The following CSPG5 variants were observed in gnomAD, a reference collection of about 807,000 sequenced individuals.
The protein encoded by CSPG5 is acidic leucine-rich EGF-like domain-containing brain protein.
In CSPG5, 25 loss-of-function variants were observed where a neutral mutation model predicts 39.8. That is an observed-to-expected ratio of 0.63 (90% CI 0.46 to 0.88). The LOEUF (loss-of-function observed/expected upper bound fraction) is 0.88, where lower values mean the gene tolerates loss of function less well. Ranked by LOEUF, CSPG5 falls within the 40% of genes least tolerant of loss-of-function variation. The pLI, the probability that CSPG5 is intolerant of heterozygous loss-of-function variation, is 0.00. For synonymous variants in CSPG5, 295 were observed against 303.9 expected, an observed-to-expected ratio of 0.97 and a Z score of 0.31; for missense variants, 627 against 702.2, an observed-to-expected ratio of 0.89 and a Z score of 1.21.
intron 3 of CSPG5, among the ~76,000 whole-genome samples, chr3:47,570,158 G>A (rs907801452): frequency 1.3e-5 from 2 of 151,872 alleles, no homozygotes; most frequent in East Asian, 1.9e-4. Context: ...GTATATGTGT[G>A]TCATGGTAGT....
At position 47,575,791 on chromosome 3, in the gene CSPG5, G is replaced by T. The variant is rs533070693; in HGVS notation, c.1193+1042C>A. Among the ~76,000 whole-genome samples the T allele has an allele frequency of 7.2e-5, 11 of 152,168 alleles. 1 individual carries two copies. The highest frequency in any genetic ancestry group is 2.4e-4 in the African/African-American group (10 of 41,514). On this transcript the variant is annotated intron_variant, in intron 2 of 4. Coordinates refer to ENST00000264723, the MANE Select transcript of CSPG5 (RefSeq NM_006574.4). ...TCCCGCCGAGCACAAGGCATGGAGC[G>T]GTGTTCAACAGCTGTCTTTATCCCA...
chr3:47,564,730 T>C (rs898836563), intron 4 of CSPG5, among the ~76,000 whole-genome samples: 2 of 152,182 alleles, frequency 1.3e-5, no homozygotes, highest in African/African-American at 4.8e-5. Flanking sequence ...AGAACATGTA[T>C]AGCAAACTCT....
rs774238317 is a variant in CSPG5 at position 47,577,551 on chromosome 3, C to G, written c.475G>C (p.Asp159His). Residue 159 changes from aspartate to histidine, a missense_variant, in exon 2 of 5, where the codon GAC (aspartate) becomes CAC (histidine). Coordinates refer to ENST00000264723, the MANE Select transcript of CSPG5 (RefSeq NM_006574.4). This position sits in a 1 kb window ranked among gnomAD's most constrained non-coding sequence, Gnocchi z 4.7. ...ASGPPSPTPGDKLSPASELPK... is the reference protein window; with the variant it reads ...ASGPPSPTPGHKLSPASELPK... ...AGTTCAGAAGCTGGGCTCAGCTTGT[C>G]GCCGGGGGTGGGGGAGGGTGGCCCG... is the stretch of plus-strand genomic sequence containing the variant. The G allele has an allele frequency of 6.2e-7, 1 of 1,609,080 alleles. No individual in the cohort carries two copies. Among genetic ancestry groups the G allele is most frequent in the South Asian group, 1.1e-5 (1 of 90,748 alleles).
chr3:47,573,079 G>C (rs1470931307), intron 2 of CSPG5, among the ~76,000 whole-genome samples: 2 of 152,240 alleles, frequency 1.3e-5, no homozygotes, highest in African/African-American at 4.8e-5. Flanking sequence ...GGGCCAGGGA[G>C]CTCTGAGGTC....
intron 4 of CSPG5, among the ~76,000 whole-genome samples, chr3:47,564,322 C>T (rs960320101): frequency 2.0e-5 from 3 of 152,116 alleles, no homozygotes; most frequent in Admixed American, 1.3e-4. Flanking sequence ...GGGAGAGACC[C>T]CGGGCTTTCC....
At chr3:47,562,939 T>C (rs1250421330) in intron 4 of CSPG5, among the ~76,000 whole-genome samples, 178 bp from the exon 5 acceptor site, 1 of 152,198 alleles carries the variant, frequency 6.6e-6, no homozygotes, top group Non-Finnish European at 1.5e-5. Flanking sequence ...AGGAAAGTCA[T>C]CCTTACAAGA....
chr3:47,569,285 G>A (rs2031436406), intron 3 of CSPG5, 58 bp from the exon 4 acceptor site: 15 of 1,544,096 alleles, frequency 9.7e-6, no homozygotes, highest in South Asian at 8.0e-5. Flanking sequence ...GGCAAAACAT[G>A]ACAATGTCTC....
At position 47,578,372 on chromosome 3, in the gene CSPG5, C is replaced by A. The variant is rs1361526145; in HGVS notation, c.97+225G>T. Among the ~76,000 whole-genome samples, 2 of 149,872 alleles carry A rather than the reference C, an allele frequency of 1.3e-5. No homozygotes were observed. The highest frequency in any genetic ancestry group is 1.5e-5 in the Non-Finnish European group (1 of 67,142). ...CCCGCCCCCAGTCCGCACCGCGGCC[C>A]GCGCGCTTGGGTCCCGGCTACCCCA... On this transcript the variant is annotated intron_variant, in intron 1 of 4. Transcript: ENST00000264723. This position sits in a 1 kb window ranked among gnomAD's most constrained non-coding sequence, Gnocchi z 6.0.
chr3:47,578,539 A>G lies in CSPG5; in HGVS notation c.97+58T>C. 1.8e-6 allele frequency: 1 copy of G among 546,210 alleles called. No individual in the cohort carries two copies. The highest frequency in any genetic ancestry group is 2.5e-6 in the Non-Finnish European group (1 of 392,840). 33.8% of individuals were successfully genotyped at this position (546,210 alleles called of 1,614,324 possible). The stretch of plus-strand genomic sequence containing the variant: ...TCCACCTGTCCCCGCCGCCAGCGGG[A>G]CCCCTGCCCTGGGTGGGGCACGAGG... On this transcript the variant is annotated intron_variant, in intron 1 of 4. Coordinates refer to ENST00000264723, the MANE Select transcript of CSPG5 (RefSeq NM_006574.4). The surrounding 1 kb of genome is among the most constrained non-coding windows in gnomAD (Gnocchi z 6.0).
At chr3:47,568,359 C>A (rs1460212869) in intron 4 of CSPG5, among the ~76,000 whole-genome samples, 1 of 152,182 alleles carries the variant, frequency 6.6e-6, no homozygotes, top group Non-Finnish European at 1.5e-5. Context: ...CCAGGCAATA[C>A]ACTAGGCCAG....
intron 4 of CSPG5, 25 bp from the exon 5 acceptor site, chr3:47,562,786 G>A (rs548312605): frequency 1.9e-5 from 30 of 1,577,596 alleles, no homozygotes; most frequent in South Asian, 9.0e-5. Flanking sequence ...AAGTTGGGGG[G>A]GGGGAGACAA....
At chr3:47,569,315 G>C in intron 3 of CSPG5, 88 bp from the exon 4 acceptor site, 1 of 1,413,392 alleles carries the variant, frequency 7.1e-7, no homozygotes, top group Non-Finnish European at 9.9e-7. Flanking sequence ...ATCAAATACT[G>C]TATTTCGGCT....
Position 47,575,929 on chromosome 3 carries a change from CTTTTTTTTTTTTT to C in CSPG5, c.1193+891_1193+903del, listed in dbSNP as rs370578310. Among the ~76,000 whole-genome samples the C allele has an allele frequency of 2.0e-5, 2 of 99,626 alleles. 1 individual carries two copies. Among genetic ancestry groups the C allele is most frequent in the Non-Finnish European group, 4.0e-5 (2 of 50,482 alleles). 65.4% of individuals were successfully genotyped at this position (99,626 alleles called of 152,430 possible). On this transcript the variant is annotated intron_variant, in intron 2 of 4. Coordinates refer to ENST00000264723, the MANE Select transcript of CSPG5 (RefSeq NM_006574.4). Reference sequence around the variant, plus strand: ...TCTTAAAGAATTCCCTTCATTTTGCCTTTTTTTTTTTTTTTTTTTTTTTTTGAGACAGAGTTTC... The same window carrying C: ...TCTTAAAGAATTCCCTTCATTTTGCCTTTTTTTTTTTTGAGACAGAGTTTC...
intron 2 of CSPG5, among the ~76,000 whole-genome samples, chr3:47,574,857 T>C (rs1046863410): frequency 6.6e-6 from 1 of 152,006 alleles, no homozygotes; most frequent in Non-Finnish European, 1.5e-5. Context: ...GAGAATGGCA[T>C]GAACCTGGGA....
Position 47,577,076 on chromosome 3 carries a change from G to A in CSPG5, c.950C>T (p.Thr317Ile). The A allele has an allele frequency of 2.5e-6, 4 of 1,613,732 alleles. No homozygotes were observed. The highest frequency in any genetic ancestry group is 2.5e-6 in the Non-Finnish European group (3 of 1,180,020). The change falls in exon 2 of 5, where the codon ACC becomes ATC. Residue 317 changes from threonine to isoleucine, a missense_variant. Coordinates refer to ENST00000264723, the MANE Select transcript of CSPG5 (RefSeq NM_006574.4). The surrounding 1 kb of genome is among the most constrained non-coding windows in gnomAD (Gnocchi z 4.7). ...PGLGPGTGQP[T>I]SRWHAVPPQH... ...TGGAGGGACAGCATGCCACCGACTGGTGGGCTGGCCTGTCCCGGGCCCCAG... is the reference window on the plus strand; with the variant it reads ...TGGAGGGACAGCATGCCACCGACTGATGGGCTGGCCTGTCCCGGGCCCCAG...
chr3:47,563,659 G>A (rs2031180389), intron 4 of CSPG5, among the ~76,000 whole-genome samples: 1 of 152,068 alleles, frequency 6.6e-6, no homozygotes, highest in Admixed American at 6.6e-5. Flanking sequence ...GGGTTCAAGG[G>A]ATTCTCGTGC....
At chr3:47,579,031 T>TGCGGGGCAGGCGGACGGGGAGC, upstream of CSPG5, 2 of 154,610 alleles carry the variant, frequency 1.3e-5, 1 homozygote, top group South Asian at 3.9e-4. This position sits in a 1 kb window ranked among gnomAD's most constrained non-coding sequence, Gnocchi z 4.2. Flanking sequence ...GGACGGGGAG[T>TGCGGGGCAGGCGGACGGGGAGC]GCGGGGCAGG....
Position 47,572,837 on chromosome 3 carries a change from G to T in CSPG5, c.1231C>A (p.Arg411Ser). 1 of 1,613,828 alleles carries T rather than the reference G, an allele frequency of 6.2e-7. No homozygotes were observed. Among genetic ancestry groups the T allele is most frequent in the East Asian group, 2.2e-5 (1 of 44,884 alleles). The change falls in exon 3 of 5, where the codon CGC becomes AGC. Residue 411 changes from arginine (R) to serine (S), a missense_variant. Arg to Ser is a moderately radical substitution (Grantham distance 110, BLOSUM62 -1). Transcript: ENST00000264723. The surrounding 1 kb of genome is among the most constrained non-coding windows in gnomAD (Gnocchi z 4.5). ...TQDYIWHKGM[R>S]CESIITDFQV... is the part of the protein sequence containing the mutation. ...AAGTCGGTGATGATGGACTCGCAGC[G>T]CATCCCCTTGTGCCAGATGTAGTCC...
At position 47,576,958 on chromosome 3, in the gene CSPG5, G is replaced by C; in HGVS notation, c.1068C>G (p.Gly356=). 1 of 1,613,798 alleles carries C rather than the reference G, an allele frequency of 6.2e-7. No individual in the cohort carries two copies. Among genetic ancestry groups the C allele is most frequent in the Non-Finnish European group, 8.5e-7 (1 of 1,179,842 alleles). ...GCACAAAGCCACTGCGGCACTCAGT[G>C]CCATTTTCACTGGAGGCCAAGTCCC... ...PGRDLASSEN[G]TECRSGFVRH... is the part of the protein sequence containing the mutation. The change falls in exon 2 of 5, where the codon GGC becomes GGG. Residue 356 remains glycine, a synonymous_variant. Coordinates refer to ENST00000264723, the MANE Select transcript of CSPG5 (RefSeq NM_006574.4).
Sources: gnomAD v4.1 joint callset for allele counts (sites outside exome capture counted in the v4.1 genomes callset) on GRCh38, gnomAD v4.1.1 for gene constraint, Gnocchi (gnomAD v3.1) non-coding constraint, MANE v1.5 for transcripts, NCBI Gene and HGNC (gene_info 2026-07-23, HGNC 2026-07-21) for gene names.